GTF2A1: variants seen among roughly 807,000 people sequenced by gnomAD.
GTF2A1 encodes general transcription factor IIA subunit 1, also known as transcription initiation factor IIA subunit 1.
A neutral mutation model predicts 54.1 loss-of-function variants in GTF2A1; 12 were observed. The ratio of observed to expected loss-of-function variants is 0.22; its 90% CI spans 0.14 to 0.36. The LOEUF (loss-of-function observed/expected upper bound fraction) is 0.36. GTF2A1 is among the 10% of genes least tolerant of loss of function. GTF2A1 has a pLI of 1.00. For synonymous variants in GTF2A1, 145 were observed against 152.0 expected (o/e 0.95, Z 0.34); for missense variants, 335 against 442.2 (o/e 0.76, Z 2.17).
At chr14:81,203,582 T>C (rs1893161276) in intron 3 of GTF2A1, among the ~76,000 whole-genome samples, 1 of 152,212 alleles carries the variant, frequency 6.6e-6, no homozygotes. Context: ...AATCCATCAC[T>C]ATATAGCCTT....
At chr14:81,181,120 G>A (rs192551510) in intron 8 of GTF2A1, among the ~76,000 whole-genome samples, 10 of 152,306 alleles carry the variant, frequency 6.6e-5, no homozygotes, top group African/African-American at 2.2e-4. Flanking sequence ...AAAAAGAGCT[G>A]AAGGGCAGGC....
intron 2 of GTF2A1, among the ~76,000 whole-genome samples, chr14:81,215,546 C>A (rs1445456392): frequency 6.6e-6 from 1 of 152,118 alleles, no homozygotes; most frequent in Non-Finnish European, 1.5e-5. Context: ...GAAAACACAA[C>A]TGCTAATAAA....
At chr14:81,208,799 CG>C (rs1893299008) in intron 2 of GTF2A1, among the ~76,000 whole-genome samples, 1 of 152,320 alleles carries the variant, frequency 6.6e-6, no homozygotes, top group African/African-American at 2.4e-5. Context: ...GGAGTTTTAA[CG>C]TAAGACTGCC....
intron 2 of GTF2A1, among the ~76,000 whole-genome samples, chr14:81,215,608 A>C (rs1413603623): frequency 1.3e-5 from 2 of 152,224 alleles, no homozygotes; most frequent in Non-Finnish European, 2.9e-5. Context: ...CCAGCTCTCA[A>C]TGTAAAATAT....
At chr14:81,202,438 T>C (rs1387241638) in intron 3 of GTF2A1, among the ~76,000 whole-genome samples, 3 of 152,078 alleles carry the variant, frequency 2.0e-5, no homozygotes, top group Non-Finnish European at 4.4e-5. Context: ...GTTTAAAAAA[T>C]ACAAATCAGC....
chr14:81,213,496 A>G (rs1313693670), intron 2 of GTF2A1, among the ~76,000 whole-genome samples: 1 of 152,210 alleles, frequency 6.6e-6, no homozygotes, highest in African/African-American at 2.4e-5. Context: ...GATTTTCTAC[A>G]CCTAAAAATG....
chr14:81,197,061 AG>A (rs1392136274), intron 5 of GTF2A1, among the ~76,000 whole-genome samples: 1 of 152,224 alleles, frequency 6.6e-6, no homozygotes, highest in Non-Finnish European at 1.5e-5. Flanking sequence ...AATATGCTCT[AG>A]GAATTACTTT....
intron 5 of GTF2A1, 90 bp from the exon 6 acceptor site, chr14:81,196,331 G>A: frequency 7.5e-7 from 1 of 1,324,880 alleles, no homozygotes; most frequent in East Asian, 2.3e-5. Context: ...TACCACCAAA[G>A]GCACAAGAAA....
Position 81,210,871 on chromosome 14 carries a change from T to C in GTF2A1, c.132+5542A>G, listed in dbSNP as rs374022505. 1.8e-4 allele frequency among the ~76,000 whole-genome samples: 27 copies of C among 152,256 alleles called. No homozygotes were observed. In the East Asian group the frequency reaches 4.8e-3, roughly 27 times the overall value. ...CACCCAAGACACCGCACCCAGCCACTAACATAGTATTGAAAACAATCAGGA... is the reference window on the plus strand; with the variant it reads ...CACCCAAGACACCGCACCCAGCCACCAACATAGTATTGAAAACAATCAGGA... On this transcript the variant is annotated intron_variant, in intron 2 of 8. Coordinates refer to ENST00000553612, the MANE Select transcript of GTF2A1 (RefSeq NM_015859.4).
chr14:81,192,251 G>A (rs1457868927), intron 7 of GTF2A1, among the ~76,000 whole-genome samples: 1 of 152,080 alleles, frequency 6.6e-6, no homozygotes, highest in Non-Finnish European at 1.5e-5. Context: ...AGAATTACCT[G>A]TACTCTTTAC....
chr14:81,204,638 T>C (rs564450023), intron 2 of GTF2A1, among the ~76,000 whole-genome samples: 50 of 152,290 alleles, frequency 3.3e-4, no homozygotes, highest in African/African-American at 1.2e-3. Flanking sequence ...CAATCCTACA[T>C]AAAGAAAAAG....
At position 81,216,534 on chromosome 14, in the gene GTF2A1, G is replaced by A. The variant is rs775942957; in HGVS notation, c.31-20C>T. ...TTTAGGCTTTAAAGGAAAAATAAAAGACTTGAAAAAGACAGTTTTTCACAG... is the reference window on the plus strand; with the variant it reads ...TTTAGGCTTTAAAGGAAAAATAAAAAACTTGAAAAAGACAGTTTTTCACAG... On this transcript the variant is annotated intron_variant, in intron 1 of 8. Coordinates refer to ENST00000553612, the MANE Select transcript of GTF2A1 (RefSeq NM_015859.4). 1.5e-5 allele frequency: 17 copies of A among 1,137,868 alleles called. No homozygotes were observed. In the South Asian group the frequency reaches 2.1e-4, roughly 14 times the overall value. The allele number at this position is 1,137,868 out of a possible 1,614,324, so 70.5% of individuals were successfully genotyped here.
At chr14:81,196,025 A>T (rs970732551) in intron 6 of GTF2A1, 83 bp downstream of exon 6, 2 of 1,237,738 alleles carry the variant, frequency 1.6e-6, no homozygotes, top group East Asian at 2.3e-5. Context: ...TCTTTTGTGC[A>T]TATAAGGAGA....
intron 7 of GTF2A1, among the ~76,000 whole-genome samples, chr14:81,188,562 G>A (rs898893023): frequency 6.6e-6 from 1 of 152,010 alleles, no homozygotes; most frequent in Non-Finnish European, 1.5e-5. Flanking sequence ...ACGAGGTCAG[G>A]AGATCGAGAC....
chr14:81,197,449 A>C lies in GTF2A1; in HGVS notation c.438T>G (p.Pro146=). The change falls in exon 5 of 9, where the codon CCT becomes CCG. Residue 146 remains proline (P), a synonymous_variant. Transcript: ENST00000553612. ...AAATAATLAL[P]AGVTPVQQIL... ...TCTGCTGAACAGGAGTCACACCTGC[A>C]GGGAGTGCTAAGGTAGCAGCTGTAG... The C allele has an allele frequency of 6.3e-7, 1 of 1,592,196 alleles. No individual in the cohort carries two copies. The highest frequency in any genetic ancestry group is 2.2e-5 in the East Asian group (1 of 44,656).
intron 2 of GTF2A1, among the ~76,000 whole-genome samples, chr14:81,211,190 A>G (rs1893356456): frequency 6.6e-6 from 1 of 152,184 alleles, no homozygotes. Flanking sequence ...TCTGACTTCA[A>G]TGTCCCAGTC....
intron 7 of GTF2A1, among the ~76,000 whole-genome samples, chr14:81,186,713 C>T (rs1281950310): frequency 1.3e-5 from 2 of 152,060 alleles, no homozygotes; most frequent in Non-Finnish European, 2.9e-5. Flanking sequence ...CTTTGGGTGG[C>T]CTAGGCGGGA....
chr14:81,208,927 T>C (rs1893301756), intron 2 of GTF2A1, among the ~76,000 whole-genome samples: 1 of 152,240 alleles, frequency 6.6e-6, no homozygotes, highest in Admixed American at 6.5e-5. Context: ...AGGAAGTAAC[T>C]AGCTTGCTTT....
intron 2 of GTF2A1, among the ~76,000 whole-genome samples, chr14:81,207,537 A>T (rs980170597): frequency 3.9e-5 from 6 of 152,094 alleles, no homozygotes; most frequent in Non-Finnish European, 8.8e-5. Context: ...GTACCAGTAG[A>T]GTCAGGGCAT....
Sources: gnomAD v4.1 joint callset for allele counts (sites outside exome capture counted in the v4.1 genomes callset) on GRCh38, gnomAD v4.1.1 for gene constraint, MANE v1.5 for transcripts, NCBI Gene and HGNC (gene_info 2026-07-23, HGNC 2026-07-21) for gene names.